The following CNTNAP5 variants were observed in gnomAD, a reference collection of about 807,000 sequenced individuals.
CNTNAP5 encodes the protein contactin associated protein family member 5.
A neutral mutation model predicts 150.2 loss-of-function variants in CNTNAP5; 72 were observed. The observed-to-expected ratio is 0.48, with a 90% CI of 0.40 to 0.58. CNTNAP5 has a LOEUF of 0.58. CNTNAP5 is among the 20% of genes least tolerant of loss of function. The pLI is 0.00. For synonymous variants in CNTNAP5, 672 were observed against 619.8 expected (o/e 1.08, Z -1.25); for missense variants, 1,636 against 1,626.2 (o/e 1.01, Z -0.10).
intron 1 of CNTNAP5, among the ~76,000 whole-genome samples, chr2:124,123,797 T>C (rs1041354657): frequency 1.3e-5 from 2 of 152,172 alleles, no homozygotes; most frequent in Admixed American, 6.5e-5. Context: ...AAATAGTGTC[T>C]GGAGTGGACC....
chr2:124,713,265 C>CTTTA (rs1266733805), intron 13 of CNTNAP5, among the ~76,000 whole-genome samples: 3 of 104,044 alleles, frequency 2.9e-5, no homozygotes, highest in Admixed American at 1.0e-4. Flanking sequence ...TTCTTTCTTT[C>CTTTA]TTTCTTTCTT....
chr2:124,315,863 G>GA (rs200192860), intron 3 of CNTNAP5, among the ~76,000 whole-genome samples: 1 of 151,842 alleles, frequency 6.6e-6, no homozygotes, highest in African/African-American at 2.4e-5. Flanking sequence ...TGCAGCATGA[G>GA]AAAAAAAATT....
intron 3 of CNTNAP5, among the ~76,000 whole-genome samples, chr2:124,243,688 C>T (rs1686944011): frequency 6.6e-6 from 1 of 152,042 alleles, no homozygotes; most frequent in African/African-American, 2.4e-5. Flanking sequence ...GGCGAGAGTC[C>T]AAAATCTACC....
At position 124,403,757 on chromosome 2, in the gene CNTNAP5, G is replaced by A. The variant is rs145789064; in HGVS notation, c.382-13686G>A. On this transcript the variant is annotated intron_variant, in intron 3 of 23. Transcript: ENST00000682447. Reference sequence around the variant, plus strand: ...TCATGCTGCTAATAAAGACATACCCGAGACTGGGTAATTTATAAAAGAAGG... The same window carrying A: ...TCATGCTGCTAATAAAGACATACCCAAGACTGGGTAATTTATAAAAGAAGG... Among the ~76,000 whole-genome samples the A allele has an allele frequency of 4.6e-3, 705 of 152,234 alleles. 7 individuals are homozygous for A. The highest frequency in any genetic ancestry group is 0.016 in the African/African-American group (659 of 41,548).
intron 1 of CNTNAP5, among the ~76,000 whole-genome samples, chr2:124,039,682 A>C (rs1484904612): frequency 1.3e-5 from 2 of 152,162 alleles, no homozygotes; most frequent in Non-Finnish European, 2.9e-5. Context: ...GCCATTCATC[A>C]CAAAATCCTT....
intron 1 of CNTNAP5, among the ~76,000 whole-genome samples, chr2:124,079,730 C>T (rs761508627): frequency 5.3e-5 from 8 of 151,930 alleles, no homozygotes; most frequent in Admixed American, 1.3e-4. Flanking sequence ...TGTATGTATA[C>T]GTGTGTGTGT....
chr2:124,441,769 G>A (rs1692680361), intron 5 of CNTNAP5, among the ~76,000 whole-genome samples: 1 of 151,478 alleles, frequency 6.6e-6, no homozygotes. Context: ...ACAACAAAAA[G>A]TTGTGAACAT....
chr2:124,588,220 CTT>C (rs1304819048), intron 11 of CNTNAP5, among the ~76,000 whole-genome samples: 1 of 117,408 alleles, frequency 8.5e-6, no homozygotes, highest in African/African-American at 3.1e-5. Flanking sequence ...TTCTTTCTTT[CTT>C]TCTTTCTTTC....
intron 1 of CNTNAP5, among the ~76,000 whole-genome samples, chr2:124,142,867 G>A (rs1210426376): frequency 6.6e-6 from 1 of 150,616 alleles, no homozygotes; most frequent in Non-Finnish European, 1.5e-5. Flanking sequence ...TTTTTTGAAA[G>A]GATCAACAAA....
chr2:124,823,390 C>T (rs533449161), intron 19 of CNTNAP5, among the ~76,000 whole-genome samples: 1 of 152,294 alleles, frequency 6.6e-6, no homozygotes, highest in African/African-American at 2.4e-5. Context: ...AATGCTTTGT[C>T]TCCTTTTCTT....
chr2:124,331,734 T>C (rs750205460), intron 3 of CNTNAP5, among the ~76,000 whole-genome samples: 4 of 152,120 alleles, frequency 2.6e-5, no homozygotes, highest in Non-Finnish European at 5.9e-5. Flanking sequence ...AAAAATTATT[T>C]ACTCTTTCAT....
chr2:124,055,839 C>T lies in CNTNAP5; in HGVS notation c.82+30107C>T, dbSNP rs542857960. ...TCATCAAGAAGACAGAAGCCATTTG[C>T]CTGGCAGGACCTTCGTCATCTTCCC... On this transcript the variant is annotated intron_variant, in intron 1 of 23. Transcript: ENST00000682447. 5.1e-4 allele frequency among the ~76,000 whole-genome samples: 78 copies of T among 152,300 alleles called. 1 individual carries two copies. The highest frequency in any genetic ancestry group is 3.2e-3 in the Admixed American group (49 of 15,296).
intron 1 of CNTNAP5, among the ~76,000 whole-genome samples, chr2:124,089,218 C>T (rs1056391784): frequency 2.6e-5 from 4 of 151,774 alleles, no homozygotes; most frequent in African/African-American, 4.8e-5. Context: ...AATTACTAGG[C>T]GAAAGAGGGA....
chr2:124,494,690 G>A (rs1057343787), intron 7 of CNTNAP5, among the ~76,000 whole-genome samples: 23 of 152,318 alleles, frequency 1.5e-4, no homozygotes, highest in Admixed American at 8.5e-4. Flanking sequence ...CAGTAGAGGA[G>A]ACAAGCAATT....
At chr2:124,504,256 A>T (rs1201401173) in intron 7 of CNTNAP5, 36 bp from the exon 8 acceptor site, 1 of 1,594,382 alleles carries the variant, frequency 6.3e-7, no homozygotes, top group East Asian at 2.3e-5. Context: ...GGAATAAAAA[A>T]TGGCTTTTAT....
intron 22 of CNTNAP5, among the ~76,000 whole-genome samples, chr2:124,909,780 T>C (rs1678614385): frequency 7.0e-6 from 1 of 143,456 alleles, no homozygotes; most frequent in African/African-American, 2.6e-5. Context: ...TCTCTGTCTC[T>C]AACACCCACT....
At chr2:124,913,956 G>T in intron 23 of CNTNAP5, 136 bp from the exon 24 acceptor site, 2 of 591,568 alleles carry the variant, frequency 3.4e-6, no homozygotes, top group Non-Finnish European at 6.0e-6. Flanking sequence ...CTGGGCAGGT[G>T]GCAGAGTTGC....
At chr2:124,477,325 T>G (rs182004049) in intron 7 of CNTNAP5, among the ~76,000 whole-genome samples, 152 of 152,276 alleles carry the variant, frequency 1.0e-3, no homozygotes, top group African/African-American at 3.5e-3. Flanking sequence ...ATAAGAATTT[T>G]TTTGTGTTTT....
chr2:124,606,112 C>T (rs1007171276), intron 11 of CNTNAP5, among the ~76,000 whole-genome samples: 12 of 151,826 alleles, frequency 7.9e-5, no homozygotes, highest in African/African-American at 2.9e-4. Context: ...GAAAATATGA[C>T]AATTTTAAAT....
Sources: gnomAD v4.1 joint callset for allele counts (sites outside exome capture counted in the v4.1 genomes callset) on GRCh38, gnomAD v4.1.1 for gene constraint, MANE v1.5 for transcripts, NCBI Gene and HGNC (gene_info 2026-07-23, HGNC 2026-07-21) for gene names.